PPP2R5E: variants seen among roughly 807,000 people sequenced by gnomAD.
The protein encoded by PPP2R5E is protein phosphatase 2 regulatory subunit B'epsilon.
Under a neutral mutation model 65.3 loss-of-function variants are expected in PPP2R5E, and 4 were observed. The ratio of observed to expected loss-of-function variants is 0.06; its 90% CI spans 0.03 to 0.14. The LOEUF (loss-of-function observed/expected upper bound fraction) is 0.14. PPP2R5E is among the 10% of genes least tolerant of loss of function. The pLI is 1.00. For missense variants in PPP2R5E, 274 were observed against 556.1 expected (o/e 0.49, Z 5.10); for synonymous variants, 183 against 187.4 (o/e 0.98, Z 0.19).
intron 8 of PPP2R5E, among the ~76,000 whole-genome samples, chr14:63,392,250 A>G (rs183951462): frequency 3.7e-4 from 57 of 152,372 alleles, no homozygotes; most frequent in African/African-American, 1.2e-3. Context: ...TTTAAAAAAG[A>G]GTATTAGGAC....
At chr14:63,383,606 G>C (rs1296737075) in intron 12 of PPP2R5E, among the ~76,000 whole-genome samples, 1 of 152,110 alleles carries the variant, frequency 6.6e-6, no homozygotes, top group Non-Finnish European at 1.5e-5. Context: ...TGAAAAATTA[G>C]AAATGTGATA....
chr14:63,507,936 T>C (rs1313854672), intron 2 of PPP2R5E, among the ~76,000 whole-genome samples: 1 of 152,190 alleles, frequency 6.6e-6, no homozygotes, highest in Non-Finnish European at 1.5e-5. Context: ...TTGAGAAGCC[T>C]GACCCTAGGG....
At chr14:63,526,308 T>C (rs1051609174) in intron 2 of PPP2R5E, among the ~76,000 whole-genome samples, 2 of 152,198 alleles carry the variant, frequency 1.3e-5, no homozygotes, top group African/African-American at 4.8e-5. Context: ...GCAAGCGAAA[T>C]GGAGGCACGA....
chr14:63,474,172 C>A (rs1036506474), intron 2 of PPP2R5E, among the ~76,000 whole-genome samples: 2 of 152,164 alleles, frequency 1.3e-5, no homozygotes, highest in African/African-American at 2.4e-5. Context: ...AGATAATTTA[C>A]TGGAAGAAGA....
intron 10 of PPP2R5E, among the ~76,000 whole-genome samples, chr14:63,391,271 T>C (rs1480940032): frequency 6.6e-6 from 1 of 152,200 alleles, no homozygotes; most frequent in Non-Finnish European, 1.5e-5. Context: ...GGCCTAATCA[T>C]CTGTACTTAC....
chr14:63,451,001 C>A (rs1303950498), intron 3 of PPP2R5E, among the ~76,000 whole-genome samples: 1 of 152,086 alleles, frequency 6.6e-6, no homozygotes, highest in Admixed American at 6.6e-5. Flanking sequence ...CAAATCAATA[C>A]CAAATGCTGG....
chr14:63,407,049 T>C (rs1275159461), intron 5 of PPP2R5E, among the ~76,000 whole-genome samples: 4 of 152,246 alleles, frequency 2.6e-5, no homozygotes, highest in Non-Finnish European at 4.4e-5. Context: ...TTACTGAATA[T>C]GAACCATGTG....
At chr14:63,529,293 G>C (rs1055362161) in intron 2 of PPP2R5E, among the ~76,000 whole-genome samples, 2 of 151,374 alleles carry the variant, frequency 1.3e-5, no homozygotes, top group African/African-American at 4.9e-5. Context: ...TTTTGAGATA[G>C]ATCCGCCCAC....
Position 63,374,584 on chromosome 14 carries a change from T to C in PPP2R5E, c.*1425A>G, listed in dbSNP as rs1883871038. On this transcript the variant is annotated 3_prime_UTR_variant, in exon 14 of 14. Coordinates refer to ENST00000337537, the MANE Select transcript of PPP2R5E (RefSeq NM_006246.5). The stretch of plus-strand genomic sequence containing the variant: ...ACACAAATTTTATCAGCAGTTTACC[T>C]ACCCAAGATGTAAGATTCTTCATTT... 6.8e-6 allele frequency: 1 copy of C among 146,574 alleles called. No homozygotes were observed. The highest frequency in any genetic ancestry group is 1.5e-5 in the Non-Finnish European group (1 of 67,292). The allele number at this position is 146,574 out of a possible 1,614,324, so 9.1% of individuals were successfully genotyped here.
intron 2 of PPP2R5E, among the ~76,000 whole-genome samples, chr14:63,500,722 G>T (rs1381188847): frequency 6.6e-6 from 1 of 152,024 alleles, no homozygotes; most frequent in African/African-American, 2.4e-5. Flanking sequence ...TTTAAAAATT[G>T]CCAGGCATGG....
At position 63,372,114 on chromosome 14, in the gene PPP2R5E, G is replaced by C. The variant is rs1009307704; in HGVS notation, c.*3895C>G. 45 of 151,964 alleles carry C rather than the reference G, an allele frequency of 3.0e-4. No individual in the cohort carries two copies. The highest frequency in any genetic ancestry group is 9.4e-4 in the African/African-American group (39 of 41,404). 9.4% of individuals were successfully genotyped at this position (151,964 alleles called of 1,614,324 possible). A position where few individuals can be genotyped will look rare whatever the true frequency, so the allele number is the denominator to read the frequency against. On this transcript the variant is annotated 3_prime_UTR_variant, in exon 14 of 14. Transcript: ENST00000337537. ...AAAAAAAAAGAGAAAGGTGGGGGAA[G>C]GAGGGAGGGAAGGAAGAAAAGGAAA...
chr14:63,481,695 A>G (rs538921686), intron 2 of PPP2R5E, among the ~76,000 whole-genome samples: 1 of 152,172 alleles, frequency 6.6e-6, no homozygotes, highest in Non-Finnish European at 1.5e-5. Context: ...ATTAGTTTGA[A>G]TTATGTGATA....
intron 2 of PPP2R5E, among the ~76,000 whole-genome samples, chr14:63,511,752 G>A (rs1892461247): frequency 6.6e-6 from 1 of 152,130 alleles, no homozygotes; most frequent in Non-Finnish European, 1.5e-5. Flanking sequence ...TAGTATGATA[G>A]AGAGCTGAGT....
intron 2 of PPP2R5E, among the ~76,000 whole-genome samples, chr14:63,455,831 C>CT (rs367911025): frequency 0.012 from 1,690 of 144,246 alleles, 12 homozygotes; most frequent in Non-Finnish European, 0.018. Context: ...CAAGAAAAAG[C>CT]TTTTTTTTTT....
intron 4 of PPP2R5E, 74 bp from the exon 5 acceptor site, chr14:63,415,306 G>A (rs2139862250): frequency 2.9e-6 from 3 of 1,039,708 alleles, no homozygotes; most frequent in Non-Finnish European, 4.2e-6. Flanking sequence ...CCAAAAGCCT[G>A]TAACACTAAA....
intron 3 of PPP2R5E, among the ~76,000 whole-genome samples, chr14:63,432,442 A>G (rs750297548): frequency 1.3e-5 from 2 of 152,216 alleles, no homozygotes; most frequent in Admixed American, 6.5e-5. Context: ...GAAAGAAAGG[A>G]ATCTGTCCAT....
chr14:63,393,581 G>A (rs1239502237), intron 8 of PPP2R5E, among the ~76,000 whole-genome samples: 8 of 152,032 alleles, frequency 5.3e-5, no homozygotes, highest in East Asian at 1.9e-4. Flanking sequence ...GCATGGTGGC[G>A]TGCGCTTGTA....
chr14:63,516,379 T>C (rs756311378), intron 2 of PPP2R5E, among the ~76,000 whole-genome samples: 3 of 152,182 alleles, frequency 2.0e-5, no homozygotes, highest in Admixed American at 1.3e-4. Flanking sequence ...CTAATCAAAA[T>C]TGCATGCGTG....
chr14:63,443,315 G>A (rs1403877218), intron 3 of PPP2R5E, among the ~76,000 whole-genome samples: 1 of 152,174 alleles, frequency 6.6e-6, no homozygotes, highest in Non-Finnish European at 1.5e-5. Flanking sequence ...TGAGGTATAA[G>A]CAGAGATTGA....
Sources: allele counts gnomAD v4.1 joint callset (sites outside exome capture counted in the v4.1 genomes callset), GRCh38; gene constraint gnomAD v4.1.1; transcripts MANE v1.5; gene names NCBI Gene and HGNC (gene_info 2026-07-23, HGNC 2026-07-21).